AKAP6: variants seen among roughly 807,000 people sequenced by gnomAD.
AKAP6 encodes the protein A-kinase anchoring protein 6.
AKAP6 carries 58 observed loss-of-function variants against 188.5 expected under a neutral mutation model. That is an observed-to-expected ratio of 0.31 (90% CI 0.25 to 0.38). The LOEUF (loss-of-function observed/expected upper bound fraction) is 0.38, where lower values mean the gene tolerates loss of function less well. AKAP6 is among the 10% of genes least tolerant of loss of function. AKAP6 has a pLI of 1.00. For synonymous variants in AKAP6, 989 were observed against 998.6 expected (o/e 0.99, Z 0.18); for missense variants, 2,710 against 2,740.0 (o/e 0.99, Z 0.24).
At chr14:32,756,284 G>A (rs1338964214) in intron 11 of AKAP6, among the ~76,000 whole-genome samples, 1 of 152,142 alleles carries the variant, frequency 6.6e-6, no homozygotes, top group Non-Finnish European at 1.5e-5. Context: ...CTGAGTCTGT[G>A]GGGGCTGGCC....
At chr14:32,719,658 G>T (rs2030424215) in intron 9 of AKAP6, among the ~76,000 whole-genome samples, 1 of 152,158 alleles carries the variant, frequency 6.6e-6, no homozygotes, top group Non-Finnish European at 1.5e-5. Flanking sequence ...AAAACTCTAT[G>T]TGATTTGGGA....
At chr14:32,615,190 A>AAAAAAAAAAAAAAAAAAAAAGGT (rs1886518703) in intron 7 of AKAP6, among the ~76,000 whole-genome samples, 1 of 149,420 alleles carries the variant, frequency 6.7e-6, no homozygotes, top group East Asian at 2.0e-4. Context: ...AAAAAAAGAT[A>AAAAAAAAAAAAAAAAAAAAAGGT]AACAAGAAGA....
At chr14:32,795,097 C>T (rs563871560) in intron 12 of AKAP6, among the ~76,000 whole-genome samples, 15 of 152,088 alleles carry the variant, frequency 9.9e-5, no homozygotes, top group Admixed American at 3.9e-4. Flanking sequence ...GAAATTGAAT[C>T]GCTGAATAGA....
chr14:32,680,984 A>G lies in AKAP6; in HGVS notation c.2879+2525A>G, dbSNP rs909100035. Among the ~76,000 whole-genome samples the G allele has an allele frequency of 2.6e-5, 4 of 152,206 alleles. No individual in the cohort carries two copies. In the East Asian group the frequency reaches 7.7e-4, roughly 29 times the overall value. On this transcript the variant is annotated intron_variant, in intron 8 of 13. Coordinates refer to ENST00000280979, the MANE Select transcript of AKAP6 (RefSeq NM_004274.5). ...GGCTCCAGCATCCCAAAGTGGAACC[A>G]TAGCTCCTGGAGGGACCTGCAGTGT...
rs750007249 is a variant in AKAP6 at position 32,545,934 on chromosome 14, G to A, written c.1281G>A (p.Ser427=). ...CTGAGATGAGCAGAAGCACCCCTTC[G>A]CTAGTAGATCCTCCTGACAGATCCA... ...LKPEMSRSTP[S]LVDPPDRSKL... The change falls in exon 4 of 14, where the codon TCG becomes TCA. Residue 427 remains serine, a synonymous_variant. Coordinates refer to ENST00000280979, the MANE Select transcript of AKAP6 (RefSeq NM_004274.5). The A allele has an allele frequency of 2.3e-5, 37 of 1,614,046 alleles. No individual in the cohort carries two copies. The East Asian group carries it at 5.3e-4, about 23-fold the overall frequency.
chr14:32,430,568 T>C (rs1218650163), intron 1 of AKAP6, among the ~76,000 whole-genome samples: 1 of 152,174 alleles, frequency 6.6e-6, no homozygotes, highest in African/African-American at 2.4e-5. Context: ...AGTGTGTATG[T>C]GTCAGTGTAG....
In AKAP6 at chr14:32,696,092, G is replaced by A. The variant is rs1890390281; in HGVS notation, c.2982G>A (p.Gln994=). Residue 994 remains glutamine (Q), a synonymous_variant, in exon 9 of 14, where the codon CAG becomes CAA. Coordinates refer to ENST00000280979, the MANE Select transcript of AKAP6 (RefSeq NM_004274.5). ...ACGACCTGATGATGTCAGAGGAGCAGCAGCAGCATCTTTACAAGGTTAGAG... is the reference window on the plus strand; with the variant it reads ...ACGACCTGATGATGTCAGAGGAGCAACAGCAGCATCTTTACAAGGTTAGAG... ...DSHDLMMSEE[Q]QQHLYKRYSV... The A allele has an allele frequency of 1.2e-6, 2 of 1,609,488 alleles. No individual in the cohort carries two copies. The highest frequency in any genetic ancestry group is 1.3e-5 in the African/African-American group (1 of 74,684).
At chr14:32,565,142 C>T (rs1884130261) in intron 4 of AKAP6, among the ~76,000 whole-genome samples, 1 of 152,096 alleles carries the variant, frequency 6.6e-6, no homozygotes, top group Non-Finnish European at 1.5e-5. Flanking sequence ...GTCTTTAGTA[C>T]ACCCTGTATG....
intron 2 of AKAP6, among the ~76,000 whole-genome samples, chr14:32,499,159 C>T (rs547059511): frequency 6.6e-6 from 1 of 152,066 alleles, no homozygotes; most frequent in South Asian, 2.1e-4. Context: ...TGGGTATTAC[C>T]TGAAGAAAGT....
chr14:32,657,441 C>T (rs1188036170), intron 7 of AKAP6, among the ~76,000 whole-genome samples: 1 of 152,126 alleles, frequency 6.6e-6, no homozygotes, highest in East Asian at 1.9e-4. Flanking sequence ...CTCTTTTTCT[C>T]TCATTACACC....
At chr14:32,560,795 C>T (rs1160323969) in intron 4 of AKAP6, among the ~76,000 whole-genome samples, 3 of 152,102 alleles carry the variant, frequency 2.0e-5, no homozygotes, top group Admixed American at 2.0e-4. Flanking sequence ...TATCTTTAAT[C>T]CCGAAGTCAT....
intron 2 of AKAP6, among the ~76,000 whole-genome samples, chr14:32,456,886 A>AAAATC (rs1382872974): frequency 6.6e-6 from 1 of 152,244 alleles, no homozygotes; most frequent in Non-Finnish European, 1.5e-5. Flanking sequence ...TTTATATGAA[A>AAAATC]AAATCAATGA....
At chr14:32,684,047 C>G (rs1297570544) in intron 8 of AKAP6, among the ~76,000 whole-genome samples, 1 of 152,104 alleles carries the variant, frequency 6.6e-6, no homozygotes, top group Non-Finnish European at 1.5e-5. Flanking sequence ...GAGGGGAATG[C>G]AGAGGAAGAA....
chr14:32,737,107 C>G (rs2031463922), intron 11 of AKAP6, among the ~76,000 whole-genome samples: 1 of 152,094 alleles, frequency 6.6e-6, no homozygotes, highest in Non-Finnish European at 1.5e-5. Flanking sequence ...ATGGAATCTT[C>G]AGATCTTTTA....
At chr14:32,505,711 G>T (rs1003770113) in intron 2 of AKAP6, among the ~76,000 whole-genome samples, 1 of 152,082 alleles carries the variant, frequency 6.6e-6, no homozygotes, top group Non-Finnish European at 1.5e-5. Flanking sequence ...TATATAAATA[G>T]AGATGATTCT....
At chr14:32,414,646 G>T (rs148371556) in intron 1 of AKAP6, among the ~76,000 whole-genome samples, 1 of 152,216 alleles carries the variant, frequency 6.6e-6, no homozygotes, top group Non-Finnish European at 1.5e-5. Context: ...AGCTCTACTC[G>T]AATGGGTATT....
At chr14:32,650,549 T>C (rs1286604142) in intron 7 of AKAP6, among the ~76,000 whole-genome samples, 3 of 152,066 alleles carry the variant, frequency 2.0e-5, no homozygotes, top group African/African-American at 7.2e-5. Flanking sequence ...AGGTGGAGAT[T>C]GCAGTGAGCC....
chr14:32,473,823 T>TA (rs1397827211), intron 2 of AKAP6: 7 of 152,386 alleles, frequency 4.6e-5, no homozygotes, highest in African/African-American at 1.7e-4. Context: ...GGTTAATAGT[T>TA]ACACTTCCTT....
At chr14:32,759,153 A>G (rs2032451612) in intron 11 of AKAP6, among the ~76,000 whole-genome samples, 1 of 152,246 alleles carries the variant, frequency 6.6e-6, no homozygotes, top group African/African-American at 2.4e-5. Flanking sequence ...TAAATGGCTG[A>G]TTAAATCCCA....
Sources: gnomAD v4.1 joint callset for allele counts (sites outside exome capture counted in the v4.1 genomes callset) on GRCh38, gnomAD v4.1.1 for gene constraint, MANE v1.5 for transcripts, NCBI Gene and HGNC (gene_info 2026-07-23, HGNC 2026-07-21) for gene names.